The following ATP10D variants were observed in gnomAD, a reference collection of about 807,000 sequenced individuals.
ATP10D encodes ATPase phospholipid transporting 10D (putative), also known as phospholipid-transporting ATPase VD.
ATP10D carries 89 observed loss-of-function variants against 144.8 expected under a neutral mutation model. The ratio of observed to expected loss-of-function variants is 0.61; its 90% CI spans 0.52 to 0.73. ATP10D has a LOEUF of 0.73. Ranked by LOEUF, ATP10D falls within the 30% of genes least tolerant of loss-of-function variation. The pLI, the probability that ATP10D is intolerant of heterozygous loss-of-function variation, is 0.00. For synonymous variants in ATP10D, 571 were observed against 615.1 expected (o/e 0.93, Z 1.06); for missense variants, 1,603 against 1,714.8 (o/e 0.93, Z 1.15).
At chr4:47,556,171 C>A (rs908053926) in intron 11 of ATP10D, among the ~76,000 whole-genome samples, 1 of 152,224 alleles carries the variant, frequency 6.6e-6, no homozygotes, top group African/African-American at 2.4e-5. Flanking sequence ...GTGCTAGCCT[C>A]CTTGTGTGTA....
chr4:47,573,050 T>A lies in ATP10D; in HGVS notation c.3366+53T>A, dbSNP rs1577699099. Reference sequence around the variant, plus strand: ...TTTCCCTTCGTACCTTCCAAGACTGTTGCATCAGGGATGAAGACGAAGTGT... The same window carrying A: ...TTTCCCTTCGTACCTTCCAAGACTGATGCATCAGGGATGAAGACGAAGTGT... On this transcript the variant is annotated intron_variant, in intron 18 of 22. Coordinates refer to ENST00000273859, the MANE Select transcript of ATP10D (RefSeq NM_020453.4). 1.6e-5 allele frequency: 25 copies of A among 1,591,972 alleles called. No homozygotes were observed. The East Asian group carries it at 5.6e-4, about 36-fold the overall frequency.
At chr4:47,531,889 G>A (rs1358603865) in intron 5 of ATP10D, among the ~76,000 whole-genome samples, 2 of 152,082 alleles carry the variant, frequency 1.3e-5, no homozygotes, top group Admixed American at 6.6e-5. Context: ...TGGTTTATGC[G>A]GTGGAGAGAA....
In ATP10D at chr4:47,501,264, A is replaced by G. The variant is rs541123651; in HGVS notation, c.-37-11240A>G. The stretch of plus-strand genomic sequence containing the variant: ...TGATATTGGAGTTGGGTTAAAAGTG[A>G]GTCATTTATTTGAAAGTAAATTTTA... On this transcript the variant is annotated intron_variant, in intron 1 of 22. Coordinates refer to ENST00000273859, the MANE Select transcript of ATP10D (RefSeq NM_020453.4). Among the ~76,000 whole-genome samples the G allele has an allele frequency of 5.3e-5, 8 of 152,304 alleles. No individual in the cohort carries two copies. The South Asian group carries it at 1.4e-3, about 28-fold the overall frequency.
rs564960460 is a variant in ATP10D, at chr4:47,575,924, C to CTTT, written c.3367-826_3367-824dup. On this transcript the variant is annotated intron_variant, in intron 18 of 22. Transcript: ENST00000273859. The stretch of plus-strand genomic sequence containing the variant: ...AGATGATGAGAGCTCACTGGGGTCC[C>CTTT]TTTTTTTTTTTTTTTTTTTTTTTTT... Among the ~76,000 whole-genome samples the CTTT allele has an allele frequency of 3.1e-3, 259 of 82,288 alleles. 1 individual carries two copies. Among genetic ancestry groups the CTTT allele is most frequent in the African/African-American group, 0.01 (187 of 18,386 alleles). 54.0% of individuals were successfully genotyped at this position (82,288 alleles called of 152,430 possible).
chr4:47,512,450 A>G, intron 1 of ATP10D, 54 bp from the exon 2 acceptor site: 9 of 1,189,212 alleles, frequency 7.6e-6, no homozygotes, highest in African/African-American at 1.5e-5. Context: ...AAATTTCACT[A>G]TCTTTGAGAC....
In ATP10D at chr4:47,512,598, A is replaced by G. The variant is rs1462262033; in HGVS notation, c.58A>G (p.Thr20Ala). ...CTGGCGACGGCTGATCAGAGGTGCA[A>G]CCAGGGATGATGATTCAGGGCCATA... ...YHWRRLIRGA[T>A]RDDDSGPYNY... Residue 20 changes from threonine to alanine, a missense_variant, in exon 2 of 23, where the codon ACC becomes GCC. Coordinates refer to ENST00000273859, the MANE Select transcript of ATP10D (RefSeq NM_020453.4). 6.2e-7 allele frequency: 1 copy of G among 1,614,026 alleles called. No individual in the cohort carries two copies. The highest frequency in any genetic ancestry group is 8.5e-7 in the Non-Finnish European group (1 of 1,180,012).
Position 47,587,005 on chromosome 4 carries a change from T to C in ATP10D, c.3754-14T>C, listed in dbSNP as rs368393828. 4.3e-6 allele frequency: 7 copies of C among 1,612,704 alleles called. No individual in the cohort carries two copies. The African/African-American group carries it at 9.3e-5, about 22-fold the overall frequency. ...GACAGAGCATTCATTTCCTCTGCTC[T>C]TCTTGTCTTACAGACTTGGATTCAC... On this transcript the variant is annotated splice_polypyrimidine_tract_variant and intron_variant, in intron 21 of 22. Transcript: ENST00000273859.
At position 47,569,012 on chromosome 4, in the gene ATP10D, A is replaced by G. The variant is rs1490991214; in HGVS notation, c.3029A>G (p.Glu1010Gly). Residue 1010 changes from glutamate (E) to glycine (G), a missense_variant, in exon 16 of 23, where the codon GAA becomes GGA. Coordinates refer to ENST00000273859, the MANE Select transcript of ATP10D (RefSeq NM_020453.4). ...TGKTLEFALQ[E>G]SLQKQFLELT... ...AAGACCCTGGAGTTTGCCCTGCAAG[A>G]AAGTCTGCAAAAGCAGTTCCTGGAA... is the stretch of plus-strand genomic sequence containing the variant. 2.5e-6 allele frequency: 4 copies of G among 1,614,218 alleles called. No individual in the cohort carries two copies. Among genetic ancestry groups the G allele is most frequent in the Admixed American group, 1.7e-5 (1 of 60,020 alleles).
chr4:47,527,656 T>C (rs1297679849), intron 5 of ATP10D, among the ~76,000 whole-genome samples: 1 of 152,154 alleles, frequency 6.6e-6, no homozygotes, highest in African/African-American at 2.4e-5. Context: ...GTATTTGACA[T>C]ATGAATGGCA....
chr4:47,559,170 T>C, intron 13 of ATP10D, 141 bp downstream of exon 13: 1 of 609,894 alleles, frequency 1.6e-6, no homozygotes, highest in East Asian at 2.9e-5. Flanking sequence ...ACCTTCTCTA[T>C]TCCATATATT....
rs926261476 is a variant in ATP10D, at chr4:47,554,978, A to C, written c.1824+64A>C. The stretch of plus-strand genomic sequence containing the variant: ...AGAAGAGAATTTTGGGTTTAAATGT[A>C]TCTGTACTGAGCTTGATATATGGAT... On this transcript the variant is annotated intron_variant, in intron 11 of 22. Transcript: ENST00000273859. The C allele has an allele frequency of 8.1e-6, 11 of 1,350,204 alleles. No homozygotes were observed. In the African/African-American group the frequency reaches 1.6e-4, roughly 19 times the overall value. 83.6% of individuals were successfully genotyped at this position (1,350,204 alleles called of 1,614,324 possible).
chr4:47,495,989 G>A (rs576545547), intron 1 of ATP10D, among the ~76,000 whole-genome samples: 63 of 151,296 alleles, frequency 4.2e-4, no homozygotes, highest in Non-Finnish European at 7.4e-4. Context: ...TGCCCACCTC[G>A]GCCTCCTAAA....
chr4:47,551,432 A>C (rs911710032), intron 10 of ATP10D, among the ~76,000 whole-genome samples: 9 of 152,210 alleles, frequency 5.9e-5, no homozygotes, highest in African/African-American at 2.2e-4. Context: ...AATTTTCTTG[A>C]ATTTTAAAAA....
intron 19 of ATP10D, chr4:47,578,356 C>T (rs1722557272): frequency 1.3e-5 from 2 of 152,152 alleles, no homozygotes; most frequent in South Asian, 4.1e-4. Context: ...CAGAAGCTTC[C>T]CTTCCACGAA....
chr4:47,576,440 G>A (rs1421933550), intron 18 of ATP10D, among the ~76,000 whole-genome samples: 2 of 152,102 alleles, frequency 1.3e-5, no homozygotes, highest in African/African-American at 2.4e-5. Context: ...TTAACATTCA[G>A]TTAATTACAC....
chr4:47,546,535 T>G, intron 9 of ATP10D, 89 bp from the exon 10 acceptor site: 3 of 1,203,260 alleles, frequency 2.5e-6, no homozygotes, highest in African/African-American at 1.5e-5. Context: ...GGAGATGGTG[T>G]GAAATAGCTG....
intron 14 of ATP10D, 129 bp from the exon 15 acceptor site, chr4:47,563,452 C>T: frequency 2.7e-6 from 2 of 742,858 alleles, no homozygotes. Context: ...TTTGACTCTC[C>T]TGAGCAGCTG....
intron 3 of ATP10D, among the ~76,000 whole-genome samples, chr4:47,516,633 T>A (rs1292563917): frequency 6.6e-6 from 1 of 152,234 alleles, no homozygotes; most frequent in Non-Finnish European, 1.5e-5. Flanking sequence ...TTGTTCATTA[T>A]TAGAATTCTT....
intron 9 of ATP10D, among the ~76,000 whole-genome samples, chr4:47,537,618 C>T (rs919560521): frequency 4.6e-5 from 7 of 152,118 alleles, no homozygotes; most frequent in African/African-American, 1.7e-4. Context: ...TATATTTACA[C>T]ATTTTCCCTT....
Sources: gnomAD v4.1 joint callset for allele counts (sites outside exome capture counted in the v4.1 genomes callset) on GRCh38, gnomAD v4.1.1 for gene constraint, MANE v1.5 for transcripts, NCBI Gene and HGNC (gene_info 2026-07-23, HGNC 2026-07-21) for gene names.